Variants in BTBD7 observed in about 807,000 individuals in gnomAD.
BTBD7 encodes the protein BTB/POZ domain-containing protein 7.
Under a neutral mutation model 99.9 loss-of-function variants are expected in BTBD7, and 38 were observed. The observed-to-expected ratio is 0.38, with a 90% confidence interval of 0.29 to 0.50. BTBD7 has a LOEUF of 0.50. Among genes scored for constraint, BTBD7 ranks in the 20% least tolerant of loss-of-function variants. BTBD7 has a pLI of 0.93. For synonymous variants in BTBD7, 520 were observed against 511.4 expected, an observed-to-expected ratio of 1.02 and a Z score of -0.23; for missense variants, 1,170 against 1,394.6, an observed-to-expected ratio of 0.84 and a Z score of 2.57.
chr14:93,309,177 T>C (rs566447763), intron 1 of BTBD7, among the ~76,000 whole-genome samples: 32 of 152,306 alleles, frequency 2.1e-4, no homozygotes, highest in South Asian at 4.1e-4. Context: ...CAAGGGCTTT[T>C]TCATGTGTTA....
intron 3 of BTBD7, among the ~76,000 whole-genome samples, chr14:93,289,377 T>G (rs2052819803): frequency 6.6e-6 from 1 of 152,264 alleles, no homozygotes; most frequent in African/African-American, 2.4e-5. Context: ...GTCTTTTTAG[T>G]TCTATGCTAT....
At chr14:93,308,296 A>G (rs2053095207) in intron 1 of BTBD7, among the ~76,000 whole-genome samples, 2 of 148,176 alleles carry the variant, frequency 1.3e-5, no homozygotes, top group South Asian at 4.5e-4. Context: ...CCAAAAAAAA[A>G]AAAAAAAAGA....
At chr14:93,293,700 G>A (rs557069009) in intron 3 of BTBD7, among the ~76,000 whole-genome samples, 158 bp downstream of exon 3, 7 of 152,262 alleles carry the variant, frequency 4.6e-5, no homozygotes, top group African/African-American at 1.2e-4. Flanking sequence ...CATTAATACT[G>A]ACCCTCAATC....
At chr14:93,303,111 G>A (rs1052106523) in intron 1 of BTBD7, among the ~76,000 whole-genome samples, 1 of 152,192 alleles carries the variant, frequency 6.6e-6, no homozygotes, top group Non-Finnish European at 1.5e-5. Flanking sequence ...TAAGAGCAAA[G>A]CAGCACCATT....
chr14:93,267,955 C>G (rs527618221), intron 3 of BTBD7, among the ~76,000 whole-genome samples: 1 of 152,262 alleles, frequency 6.6e-6, no homozygotes, highest in South Asian at 2.1e-4. Flanking sequence ...TATATATGGC[C>G]TCTTTAACGA....
intron 5 of BTBD7, among the ~76,000 whole-genome samples, chr14:93,258,317 AT>A (rs552216899): frequency 8.6e-5 from 13 of 151,950 alleles, no homozygotes; most frequent in South Asian, 8.3e-4. Flanking sequence ...GAAAAGAGTC[AT>A]TTTTTTCCCC....
chr14:93,290,572 G>T (rs2052838726), intron 3 of BTBD7, among the ~76,000 whole-genome samples: 1 of 142,776 alleles, frequency 7.0e-6, no homozygotes, highest in African/African-American at 2.6e-5. Flanking sequence ...GGCTGGAGTG[G>T]AGTGGTGCAA....
chr14:93,270,490 C>G (rs140599086), intron 3 of BTBD7, among the ~76,000 whole-genome samples: 1 of 151,682 alleles, frequency 6.6e-6, no homozygotes, highest in African/African-American at 2.4e-5. Flanking sequence ...GTCAGGAGTT[C>G]GAGACAAGCC....
chr14:93,264,084 T>A, intron 3 of BTBD7, 91 bp from the exon 4 acceptor site: 1 of 1,180,342 alleles, frequency 8.5e-7, no homozygotes, highest in African/African-American at 1.5e-5. Context: ...AAAGTCACAA[T>A]AGCAAAAAAG....
At chr14:93,319,721 T>G (rs1047727134) in intron 1 of BTBD7, among the ~76,000 whole-genome samples, 2 of 152,150 alleles carry the variant, frequency 1.3e-5, no homozygotes, top group Non-Finnish European at 2.9e-5. Context: ...GCTCTAGAGA[T>G]CTACTGTACA....
At chr14:93,318,891 AAAGAG>A (rs1371536965) in intron 1 of BTBD7, among the ~76,000 whole-genome samples, 2 of 152,226 alleles carry the variant, frequency 1.3e-5, no homozygotes, top group African/African-American at 4.8e-5. Context: ...CAAAGACCTT[AAAGAG>A]TGCCTGGCTC....
At chr14:93,309,345 C>A (rs937399614) in intron 1 of BTBD7, among the ~76,000 whole-genome samples, 5 of 151,336 alleles carry the variant, frequency 3.3e-5, no homozygotes, top group African/African-American at 1.2e-4. Context: ...CCTGTAATTC[C>A]AGCACTTTGG....
At chr14:93,311,745 A>ATTT (rs5810628) in intron 1 of BTBD7, among the ~76,000 whole-genome samples, 6 of 142,560 alleles carry the variant, frequency 4.2e-5, no homozygotes, top group African/African-American at 1.1e-4. Context: ...AATATTTTTA[A>ATTT]TTTTTTTTTT....
At chr14:93,311,513 A>G (rs541439099) in intron 1 of BTBD7, among the ~76,000 whole-genome samples, 6 of 152,354 alleles carry the variant, frequency 3.9e-5, no homozygotes, top group African/African-American at 1.4e-4. Flanking sequence ...ACATGTACAT[A>G]GATACATAAA....
chr14:93,309,279 A>G (rs2053109792), intron 1 of BTBD7, among the ~76,000 whole-genome samples: 1 of 152,140 alleles, frequency 6.6e-6, no homozygotes, highest in African/African-American at 2.4e-5. Context: ...GAGACTTTAA[A>G]GTGACTTATC....
Position 93,246,240 on chromosome 14 carries a change from G to A in BTBD7, c.2168C>T (p.Pro723Leu). ...FPDERFGDES[P>L]LLTMRQPGRC... Reference sequence around the variant, plus strand: ...CCCAGGCTGTCTCATTGTCAAGAGTGGACTTTCATCCCCAAAACGTTCATC... The same window carrying A: ...CCCAGGCTGTCTCATTGTCAAGAGTAGACTTTCATCCCCAAAACGTTCATC... The change falls in exon 10 of 11, where the codon CCA becomes CTA. Residue 723 changes from proline (P) to leucine (L), a missense_variant. Pro to Leu is a moderately conservative substitution (Grantham distance 98). Transcript: ENST00000334746. 1 of 1,549,430 alleles carries A rather than the reference G, an allele frequency of 6.5e-7. No homozygotes were observed.
rs2052191817 is a variant in BTBD7 at position 93,239,063 on chromosome 14, G to C, written c.*3210C>G. On this transcript the variant is annotated 3_prime_UTR_variant, in exon 11 of 11. Coordinates refer to ENST00000334746, the MANE Select transcript of BTBD7 (RefSeq NM_001002860.4). ...ACATGTTCCCAGAAATAAAGCTAAA[G>C]GGGGCATGTGAGAACGGGCGTGGAA... The C allele has an allele frequency of 1.3e-5, 2 of 152,218 alleles. No individual in the cohort carries two copies. Among genetic ancestry groups the C allele is most frequent in the Non-Finnish European group, 2.9e-5 (2 of 68,040 alleles). The allele number at this position is 152,218 out of a possible 1,614,324, so 9.4% of individuals were successfully genotyped here.
chr14:93,311,614 C>G (rs561982284), intron 1 of BTBD7, among the ~76,000 whole-genome samples: 1 of 152,228 alleles, frequency 6.6e-6, no homozygotes, highest in South Asian at 2.1e-4. Context: ...TATCATTTCT[C>G]CTTTCTCACA....
chr14:93,303,570 G>A (rs2139788900), intron 1 of BTBD7, among the ~76,000 whole-genome samples: 1 of 152,360 alleles, frequency 6.6e-6, no homozygotes, highest in East Asian at 1.9e-4. Flanking sequence ...ACCTGGACTA[G>A]ACGAACTACA....
Sources: allele counts gnomAD v4.1 joint callset (sites outside exome capture counted in the v4.1 genomes callset), GRCh38; gene constraint gnomAD v4.1.1; transcripts MANE v1.5; gene names NCBI Gene and HGNC (gene_info 2026-07-23, HGNC 2026-07-21).